The following VDAC1 variants were observed in gnomAD, a reference collection of about 807,000 sequenced individuals.
VDAC1 encodes the protein non-selective voltage-gated ion channel VDAC1.
Under a neutral mutation model 34.7 loss-of-function variants are expected in VDAC1, and 10 were observed. The observed-to-expected ratio is 0.29, with a 90% CI of 0.18 to 0.49. The LOEUF is 0.49. Among genes scored for constraint, VDAC1 ranks in the 20% least tolerant of loss-of-function variants. The probability of loss-of-function intolerance (pLI) is 0.99; values close to 1 mark genes in which losing one functional copy is unlikely to be tolerated. For missense variants in VDAC1, 230 were observed against 347.9 expected (o/e 0.66, Z 2.69); for synonymous variants, 130 against 136.0 (o/e 0.96, Z 0.30).
At chr5:134,023,682 T>C in the VDAC1 span, among the ~76,000 whole-genome samples, 1 of 152,200 alleles carries the variant, frequency 6.6e-6, no homozygotes, top group South Asian at 2.1e-4. Flanking sequence ...AAAATAAATG[T>C]GGTTCCTCCC....
At chr5:134,034,597 T>A in the VDAC1 span, among the ~76,000 whole-genome samples, 2 of 152,148 alleles carry the variant, frequency 1.3e-5, no homozygotes, top group Non-Finnish European at 2.9e-5. Context: ...ACACGCCTTT[T>A]CGGGCACTTT....
chr5:133,974,359 G>C (rs970296402), intron 7 of VDAC1, among the ~76,000 whole-genome samples: 1 of 152,148 alleles, frequency 6.6e-6, no homozygotes, highest in Non-Finnish European at 1.5e-5. Flanking sequence ...GTAGTAGTTC[G>C]AGGGCCTGTG....
the VDAC1 span, among the ~76,000 whole-genome samples, chr5:134,098,169 CTTATTATTA>C: frequency 4.4e-4 from 64 of 146,942 alleles, 1 homozygote; most frequent in East Asian, 1.2e-3. Flanking sequence ...CCATGCCCTG[CTTATTATTA>C]TTATTATTAT....
chr5:134,020,660 G>T, the VDAC1 span, among the ~76,000 whole-genome samples: 1 of 43,970 alleles, frequency 2.3e-5, no homozygotes, highest in Non-Finnish European at 5.7e-5. Flanking sequence ...TTTTTTGTTT[G>T]TTTGTTTGTT....
At chr5:134,012,014 A>G in the VDAC1 span, among the ~76,000 whole-genome samples, 1 of 152,108 alleles carries the variant, frequency 6.6e-6, no homozygotes, top group African/African-American at 2.4e-5. Context: ...AGAGCAGGGC[A>G]GGGGTGGGGA....
chr5:134,013,278 T>A, the VDAC1 span, among the ~76,000 whole-genome samples: 1 of 152,074 alleles, frequency 6.6e-6, no homozygotes, highest in South Asian at 2.1e-4. Context: ...GTACAAAGAA[T>A]ACAAAAATTA....
chr5:133,990,963 C>A (rs757481942), intron 4 of VDAC1, 39 bp downstream of exon 4: 3 of 1,606,918 alleles, frequency 1.9e-6, no homozygotes, highest in Non-Finnish European at 2.6e-6. Flanking sequence ...CTGGCAGATG[C>A]GAATTAATAA....
chr5:134,001,895 A>G (rs546418865), intron 1 of VDAC1, among the ~76,000 whole-genome samples: 5 of 152,166 alleles, frequency 3.3e-5, no homozygotes, highest in Admixed American at 3.3e-4. Context: ...AAACCCCCTG[A>G]GTACGTGGTA....
chr5:133,983,937 T>C (rs964641580), intron 5 of VDAC1, among the ~76,000 whole-genome samples: 1 of 152,174 alleles, frequency 6.6e-6, no homozygotes, highest in Non-Finnish European at 1.5e-5. Flanking sequence ...TCAATCACCA[T>C]GACTAAAAGC....
chr5:134,099,556 C>A, the VDAC1 span, among the ~76,000 whole-genome samples: 1 of 152,174 alleles, frequency 6.6e-6, no homozygotes, highest in Admixed American at 6.5e-5. Context: ...GGCAGCCTTT[C>A]TCACCTTTCT....
chr5:134,095,839 C>A, the VDAC1 span, among the ~76,000 whole-genome samples: 1 of 152,238 alleles, frequency 6.6e-6, no homozygotes, highest in African/African-American at 2.4e-5. Flanking sequence ...TCAATGGCCA[C>A]ATGTGGCTAG....
chr5:134,022,955 C>A, the VDAC1 span, among the ~76,000 whole-genome samples: 7 of 152,040 alleles, frequency 4.6e-5, no homozygotes, highest in Non-Finnish European at 8.8e-5. Flanking sequence ...ACCATTTGAC[C>A]CTGCAATCTC....
the VDAC1 span, among the ~76,000 whole-genome samples, chr5:134,033,873 T>C: frequency 6.6e-6 from 1 of 151,740 alleles, no homozygotes; most frequent in African/African-American, 2.4e-5. Context: ...GCGCCTGTAG[T>C]CCCAGCTACT....
At chr5:134,035,777 C>T in the VDAC1 span, among the ~76,000 whole-genome samples, 1 of 151,562 alleles carries the variant, frequency 6.6e-6, no homozygotes, top group Non-Finnish European at 1.5e-5. Context: ...GAGGCTGAAG[C>T]AGGTGGGTCA....
At chr5:134,065,742 T>C in the VDAC1 span, among the ~76,000 whole-genome samples, 3 of 151,962 alleles carry the variant, frequency 2.0e-5, no homozygotes, top group South Asian at 2.1e-4. Flanking sequence ...TATGAATTAG[T>C]TCAGGGGTCA....
rs530907308 is a variant in VDAC1 at position 133,978,938 on chromosome 5, G to A, written c.551+1791C>T. On this transcript the variant is annotated intron_variant, in intron 6 of 8. Coordinates refer to ENST00000265333, the MANE Select transcript of VDAC1 (RefSeq NM_003374.3). ...TGAGGTGGGAGTATCACTTAATCCC[G>A]GGAGGTGGAGGCTGCAGAGATCGTG... Among the ~76,000 whole-genome samples, 14 of 152,244 alleles carry A rather than the reference G, an allele frequency of 9.2e-5. No homozygotes were observed. In the East Asian group the frequency reaches 2.5e-3, roughly 27 times the overall value.
the VDAC1 span, among the ~76,000 whole-genome samples, chr5:134,081,039 CT>C: frequency 0.036 from 5,098 of 140,786 alleles, 99 homozygotes; most frequent in East Asian, 0.091. Context: ...CTATGCCTAA[CT>C]TTTTTTTTTT....
At chr5:134,063,285 C>T in the VDAC1 span, among the ~76,000 whole-genome samples, 5 of 152,282 alleles carry the variant, frequency 3.3e-5, no homozygotes, top group South Asian at 8.3e-4. Context: ...GTCCTTTCTC[C>T]GTTCCAACAT....
At chr5:134,093,879 G>C in the VDAC1 span, among the ~76,000 whole-genome samples, 1 of 152,218 alleles carries the variant, frequency 6.6e-6, no homozygotes, top group African/African-American at 2.4e-5. Flanking sequence ...AAGTGGCCAA[G>C]GCAGCCCCTC....
Sources: gnomAD v4.1 joint callset for allele counts (sites outside exome capture counted in the v4.1 genomes callset) on GRCh38, gnomAD v4.1.1 for gene constraint, MANE v1.5 for transcripts, NCBI Gene and HGNC (gene_info 2026-07-23, HGNC 2026-07-21) for gene names.